Variants in HSPA2 observed in about 807,000 individuals in gnomAD.
HSPA2 encodes the protein heat shock protein family A (Hsp70) member 2.
In HSPA2, 13 loss-of-function variants were observed where a neutral mutation model predicts 35.0. That is an observed-to-expected ratio of 0.37 (90% CI 0.24 to 0.59). The LOEUF is 0.59. Ranked by LOEUF, HSPA2 falls within the 20% of genes least tolerant of loss-of-function variation. The pLI is 0.70. For synonymous variants in HSPA2, 368 were observed against 382.1 expected (o/e 0.96, Z 0.43); for missense variants, 565 against 885.4 (o/e 0.64, Z 4.59).
upstream of HSPA2, among the ~76,000 whole-genome samples, chr14:64,540,070 A>T (rs553747769): frequency 5.0e-4 from 76 of 152,022 alleles, no homozygotes; most frequent in African/African-American, 1.7e-3. Flanking sequence ...GCCGGTTCAG[A>T]CTTTTTCTTT....
upstream of HSPA2, among the ~76,000 whole-genome samples, chr14:64,537,952 T>G (rs1260326680): frequency 1.3e-5 from 2 of 151,974 alleles, no homozygotes; most frequent in Non-Finnish European, 2.9e-5. Context: ...GTCTTGAACT[T>G]CTGACCTCGT....
chr14:64,541,677 CCT>C lies in HSPA2; in HGVS notation c.829_830del (p.Leu277GlufsTer180). 1 of 1,611,894 alleles carries C rather than the reference CCT, an allele frequency of 6.2e-7. No homozygotes were observed. The highest frequency in any genetic ancestry group is 8.5e-7 in the Non-Finnish European group (1 of 1,179,742). On this transcript the variant is annotated frameshift_variant, in exon 1 of 1. Transcript: ENST00000247207. LOFTEE classifies it high-confidence loss of function. ...CCGCTTGCGAGCGCGCCAAGCGCAC[CCT>C]GAGCTCGTCCACGCAGGCGAGCATC... ...RTACERAKRT[L>X]SSSTQASIEI...
rs1396217135 is a variant in HSPA2, at chr14:64,541,521, C to G, written c.672C>G (p.Ser224=). The G allele has an allele frequency of 6.2e-7, 1 of 1,608,998 alleles. No homozygotes were observed. Residue 224 remains serine (S), a synonymous_variant, in exon 1 of 1, where the codon TCC becomes TCG. Coordinates refer to ENST00000247207, the MANE Select transcript of HSPA2 (RefSeq NM_021979.4). ...AGGATGGCATCTTCGAGGTGAAGTC[C>G]ACGGCCGGCGACACCCACCTGGGCG... ...TIEDGIFEVK[S]TAGDTHLGGE... is the part of the protein sequence containing the mutation.
rs762645771 is a variant in HSPA2 at position 64,542,739 on chromosome 14, C to T, written c.1890C>T (p.Ser630=). 10 of 1,611,670 alleles carry T rather than the reference C, an allele frequency of 6.2e-6. No homozygotes were observed. Among genetic ancestry groups the T allele is most frequent in the East Asian group, 2.2e-5 (1 of 44,842 alleles). The change falls in exon 1 of 1, where the codon TCC becomes TCT. Residue 630 remains serine, a synonymous_variant. Coordinates refer to ENST00000247207, the MANE Select transcript of HSPA2 (RefSeq NM_021979.4). The surrounding 1 kb of genome is among the most constrained non-coding windows in gnomAD (Gnocchi z 5.7). The part of the protein sequence containing the change: ...GGSGGGGSGA[S]GGPTIEEVD ...GCGGCGGCGGCGGTTCAGGAGCCTCCGGGGGACCCACCATCGAAGAAGTGG... is the reference window on the plus strand; with the variant it reads ...GCGGCGGCGGCGGTTCAGGAGCCTCTGGGGGACCCACCATCGAAGAAGTGG...
chr14:64,540,306 G>A (rs1045815452), upstream of HSPA2: 7 of 176,990 alleles, frequency 4.0e-5, no homozygotes, highest in South Asian at 4.5e-4. Context: ...TCTCCCAGTG[G>A]CTCTCCTCAC....
Position 64,541,844 on chromosome 14 carries a change from G to A in HSPA2, c.995G>A (p.Gly332Asp). Residue 332 changes from glycine to aspartate, a missense_variant, in exon 1 of 1, where the codon GGC (glycine) becomes GAC (aspartate). By Grantham distance (94) the Gly-to-Asp change is moderately conservative (BLOSUM62 -1). Around this residue, in one of 4 missense-constraint regions of HSPA2, gnomAD observed 234 missense variants for 419.0 expected, o/e 0.56. Coordinates refer to ENST00000247207, the MANE Select transcript of HSPA2 (RefSeq NM_021979.4). Reference sequence around the variant, plus strand: ...CTGCGCGACGCCAAGCTGGACAAGGGCCAGATCCAGGAGATCGTGCTGGTG... The same window carrying A: ...CTGCGCGACGCCAAGCTGGACAAGGACCAGATCCAGGAGATCGTGCTGGTG... Reference protein sequence around the residue: ...KALRDAKLDKGQIQEIVLVGG... With the variant: ...KALRDAKLDKDQIQEIVLVGG... The A allele has an allele frequency of 1.9e-6, 3 of 1,613,670 alleles. No homozygotes were observed. The highest frequency in any genetic ancestry group is 2.5e-6 in the Non-Finnish European group (3 of 1,180,048).
rs1566643513 is a variant in HSPA2 at position 64,542,713 on chromosome 14, A to G, written c.1864A>G (p.Ser622Gly). The G allele has an allele frequency of 3.1e-6, 5 of 1,613,708 alleles. No homozygotes were observed. The highest frequency in any genetic ancestry group is 1.3e-5 in the African/African-American group (1 of 74,900). The change falls in exon 1 of 1, where the codon AGC (serine) becomes GGC (glycine). Residue 622 changes from serine to glycine, a missense_variant. Around this residue, in one of 4 missense-constraint regions of HSPA2, gnomAD observed 147 missense variants for 166.7 expected, o/e 0.88. Transcript: ENST00000247207. This position sits in a 1 kb window ranked among gnomAD's most constrained non-coding sequence, Gnocchi z 5.7. ...KLYQGGPGGGSGGGGSGASGG... is the reference protein window; with the variant it reads ...KLYQGGPGGGGGGGGSGASGG... The stretch of plus-strand genomic sequence containing the variant: ...TTACCAAGGTGGTCCTGGCGGCGGC[A>G]GCGGCGGCGGCGGTTCAGGAGCCTC...
At chr14:64,540,728 G>T (rs569498121), upstream of HSPA2, 27 of 1,445,668 alleles carry the variant, frequency 1.9e-5, no homozygotes, top group Non-Finnish European at 2.1e-5. Flanking sequence ...CCGGGAACTG[G>T]GCGCGGGGAG....
upstream of HSPA2, chr14:64,540,471 G>A: frequency 3.8e-6 from 1 of 265,538 alleles, no homozygotes; most frequent in Non-Finnish European, 7.2e-6. Flanking sequence ...ACGCCAGCCA[G>A]CAGCAGGAGG....
Position 64,542,901 on chromosome 14 carries a change from G to C in HSPA2, c.*132G>C. ...AGTCTTTGGTATATGCAAATGAAAG[G>C]AGAGGTGCAACAACTTAGTTTAATT... On this transcript the variant is annotated 3_prime_UTR_variant, in exon 1 of 1. Transcript: ENST00000247207. The surrounding 1 kb of genome is among the most constrained non-coding windows in gnomAD (Gnocchi z 5.7). 4.5e-6 allele frequency: 6 copies of C among 1,338,864 alleles called. No homozygotes were observed. The highest frequency in any genetic ancestry group is 6.0e-6 in the Non-Finnish European group (6 of 1,000,050). The allele number at this position is 1,338,864 out of a possible 1,614,324, so 82.9% of individuals were successfully genotyped here.
At position 64,541,255 on chromosome 14, in the gene HSPA2, C is replaced by T. The variant is rs375630421; in HGVS notation, c.406C>T (p.Leu136=). The change falls in exon 1 of 1, where the codon CTG becomes TTG. Residue 136 remains leucine, a synonymous_variant. Coordinates refer to ENST00000247207, the MANE Select transcript of HSPA2 (RefSeq NM_021979.4). ...GATGAAGGAGATCGCGGAAGCCTAC[C>T]TGGGGGGCAAGGTGCACAGCGCGGT... ...TKMKEIAEAY[L]GGKVHSAVIT... is the part of the protein sequence containing the mutation. 1.9e-6 allele frequency: 3 copies of T among 1,613,902 alleles called. No homozygotes were observed. Among genetic ancestry groups the T allele is most frequent in the East Asian group, 2.2e-5 (1 of 44,886 alleles).
At chr14:64,540,042 A>G (rs8011038), upstream of HSPA2, among the ~76,000 whole-genome samples, 1 of 151,720 alleles carries the variant, frequency 6.6e-6, no homozygotes, top group Non-Finnish European at 1.5e-5. Flanking sequence ...CCCACCATAA[A>G]ATCCCAGGAG....
rs2080045553 is a variant in HSPA2, at chr14:64,543,086, GAAAC to G, written c.*319_*322del. 2.4e-6 allele frequency: 1 copy of G among 422,282 alleles called. No individual in the cohort carries two copies. Among genetic ancestry groups the G allele is most frequent in the African/African-American group, 2.1e-5 (1 of 48,238 alleles). The allele number at this position is 422,282 out of a possible 1,614,324, so 26.2% of individuals were successfully genotyped here. A position where few individuals can be genotyped will look rare whatever the true frequency, so the allele number is the denominator to read the frequency against. On this transcript the variant is annotated 3_prime_UTR_variant, in exon 1 of 1. Coordinates refer to ENST00000247207, the MANE Select transcript of HSPA2 (RefSeq NM_021979.4). ...TGCACACCTGTTCTGTAGAAGCTTG[GAAAC>G]AGTAAAATATATAGGAGCTTAAATT...
In HSPA2 at chr14:64,542,829, T is replaced by C; in HGVS notation, c.*60T>C. On this transcript the variant is annotated 3_prime_UTR_variant, in exon 1 of 1. Transcript: ENST00000247207. This position sits in a 1 kb window ranked among gnomAD's most constrained non-coding sequence, Gnocchi z 5.7. ...TTCTCTCTCTCTCTTTTTTTTTGTT[T>C]GTTTCTTTGAAATGTCCTTGTGCCA... 1 of 1,497,966 alleles carries C rather than the reference T, an allele frequency of 6.7e-7. No homozygotes were observed. The highest frequency in any genetic ancestry group is 8.9e-7 in the Non-Finnish European group (1 of 1,124,974). The allele number at this position is 1,497,966 out of a possible 1,614,324, so 92.8% of individuals were successfully genotyped here. A position where few individuals can be genotyped will look rare whatever the true frequency, so the allele number is the denominator to read the frequency against.
chr14:64,540,696 T>G (rs1374760581), upstream of HSPA2: 1 of 1,180,952 alleles, frequency 8.5e-7, no homozygotes, highest in Non-Finnish European at 1.2e-6. Context: ...GGTCTGGGAG[T>G]TCCCAGAGGC....
chr14:64,540,547 C>A (rs994878821), upstream of HSPA2: 2 of 441,982 alleles, frequency 4.5e-6, no homozygotes, highest in African/African-American at 2.0e-5. Context: ...AACGGCCGCC[C>A]CTCTGTCTCC....
upstream of HSPA2, among the ~76,000 whole-genome samples, chr14:64,536,265 T>C (rs2079980215): frequency 6.6e-6 from 1 of 152,230 alleles, no homozygotes; most frequent in South Asian, 2.1e-4. Context: ...TTAAAAATCT[T>C]GTAAACCATT....
chr14:64,539,787 T>C (rs1408644681), upstream of HSPA2, among the ~76,000 whole-genome samples: 1 of 152,134 alleles, frequency 6.6e-6, no homozygotes, highest in Non-Finnish European at 1.5e-5. Flanking sequence ...GTTCAAGCGA[T>C]TCTCCTGCCT....
upstream of HSPA2, among the ~76,000 whole-genome samples, chr14:64,540,114 C>T (rs1308602210): frequency 6.6e-6 from 1 of 152,130 alleles, no homozygotes; most frequent in Admixed American, 6.5e-5. Context: ...CCGCCCTCAC[C>T]CCCCACCCCA....
Sources: gnomAD v4.1 joint callset for allele counts (sites outside exome capture counted in the v4.1 genomes callset) on GRCh38, gnomAD v4.1.1 for gene constraint, gnomAD v4.1.1 regional missense constraint, Gnocchi (gnomAD v3.1) non-coding constraint, MANE v1.5 for transcripts, NCBI Gene and HGNC (gene_info 2026-07-23, HGNC 2026-07-21) for gene names.